LPCAT1: variants seen among roughly 807,000 people sequenced by gnomAD.
LPCAT1 encodes lysophosphatidylcholine acyltransferase 1.
LPCAT1 carries 23 observed loss-of-function variants against 60.9 expected under a neutral mutation model. The observed-to-expected ratio is 0.38, with a 90% CI of 0.27 to 0.53. The LOEUF (loss-of-function observed/expected upper bound fraction) is 0.53, where lower values mean the gene tolerates loss of function less well. LPCAT1 is among the 20% of genes least tolerant of loss of function. The pLI is 0.82. For missense variants in LPCAT1, 622 were observed against 723.6 expected, an observed-to-expected ratio of 0.86 and a Z score of 1.61; for synonymous variants, 340 against 301.1, an observed-to-expected ratio of 1.13 and a Z score of -1.34.
intron 8 of LPCAT1, among the ~76,000 whole-genome samples, chr5:1,479,238 T>A (rs569990736): frequency 7.2e-5 from 11 of 152,174 alleles, no homozygotes; most frequent in African/African-American, 2.2e-4. Flanking sequence ...CTACAAAAAT[T>A]AGCTAGGCAT....
chr5:1,481,807 T>G lies in LPCAT1; in HGVS notation c.727-831A>C, dbSNP rs539238248. On this transcript the variant is annotated intron_variant, in intron 6 of 13. Coordinates refer to ENST00000283415, the MANE Select transcript of LPCAT1 (RefSeq NM_024830.5). The surrounding 1 kb of genome is among the most constrained non-coding windows in gnomAD (Gnocchi z 7.8). ...CCTGGCTGACAAACGCACGCCTCAG[T>G]AAGAAGGAAGAGGTCTTTCAGTCGT... is the stretch of plus-strand genomic sequence containing the variant. Among the ~76,000 whole-genome samples the G allele has an allele frequency of 5.9e-5, 9 of 152,348 alleles. No individual in the cohort carries two copies. The highest frequency in any genetic ancestry group is 2.2e-4 in the African/African-American group (9 of 41,570).
rs1211181614 is a variant in LPCAT1, at chr5:1,523,935, C to G, written c.-91G>C. On this transcript the variant is annotated 5_prime_UTR_variant, in exon 1 of 14. Coordinates refer to ENST00000283415, the MANE Select transcript of LPCAT1 (RefSeq NM_024830.5). This position sits in a 1 kb window ranked among gnomAD's most constrained non-coding sequence, Gnocchi z 7.1. ...TGGGCGCGGGTCTCGGGGCGCGGGC[C>G]GAGGATGCGCGGCGGCTGGAGCGGG... 3.6e-5 allele frequency: 32 copies of G among 890,542 alleles called. No homozygotes were observed. Among genetic ancestry groups the G allele is most frequent in the South Asian group, 9.9e-5 (2 of 20,120 alleles). The allele number at this position is 890,542 out of a possible 1,614,324, so 55.2% of individuals were successfully genotyped here. A position where few individuals can be genotyped will look rare whatever the true frequency, so the allele number is the denominator to read the frequency against.
chr5:1,513,589 G>A (rs1736418307), intron 1 of LPCAT1, among the ~76,000 whole-genome samples: 1 of 152,226 alleles, frequency 6.6e-6, no homozygotes, highest in Admixed American at 6.5e-5. Context: ...CGGGGACTCG[G>A]TTACACCTGA....
At position 1,487,897 on chromosome 5, in the gene LPCAT1, C is replaced by A. The variant is rs187071773; in HGVS notation, c.667+494G>T. Among the ~76,000 whole-genome samples, 1 of 152,124 alleles carries A rather than the reference C, an allele frequency of 6.6e-6. No individual in the cohort carries two copies. ...AGACACAATACTAGACCCAGGTAAC[C>A]GCCGCGGGAGAGACCCAAGTTCACA... On this transcript the variant is annotated intron_variant, in intron 5 of 13. Coordinates refer to ENST00000283415, the MANE Select transcript of LPCAT1 (RefSeq NM_024830.5). This position sits in a 1 kb window ranked among gnomAD's most constrained non-coding sequence, Gnocchi z 6.1.
rs948110608 is a variant in LPCAT1, at chr5:1,502,332, T to C, written c.136-729A>G. 6.6e-6 allele frequency among the ~76,000 whole-genome samples: 1 copy of C among 151,792 alleles called. No individual in the cohort carries two copies. The highest frequency in any genetic ancestry group is 1.5e-5 in the Non-Finnish European group (1 of 67,972). The stretch of plus-strand genomic sequence containing the variant: ...TCCCCTGAAATCGTTTATGTGGACA[T>C]GAGAAAGCATACGCCACCCTAGGCA... On this transcript the variant is annotated intron_variant, in intron 1 of 13. Transcript: ENST00000283415. The surrounding 1 kb of genome is among the most constrained non-coding windows in gnomAD (Gnocchi z 5.5).
chr5:1,504,329 A>G lies in LPCAT1; in HGVS notation c.136-2726T>C, dbSNP rs1736116166. 2.0e-5 allele frequency among the ~76,000 whole-genome samples: 3 copies of G among 152,384 alleles called. No homozygotes were observed. The South Asian group carries it at 6.2e-4, about 32-fold the overall frequency. On this transcript the variant is annotated intron_variant, in intron 1 of 13. Coordinates refer to ENST00000283415, the MANE Select transcript of LPCAT1 (RefSeq NM_024830.5). ...AGGAGAGCGCAGCGGAGGAGACCGT[A>G]GCCTCGGCCTTCAGCCCACCTGGTC...
At position 1,465,833 on chromosome 5, in the gene LPCAT1, C is replaced by T. The variant is rs147033630; in HGVS notation, c.1420+916G>A. On this transcript the variant is annotated intron_variant, in intron 13 of 13. Transcript: ENST00000283415. Reference sequence around the variant, plus strand: ...ACGCACATGCGTGCACACACGTATGCACACGCACGGTAACACACGTGCACT... The same window carrying T: ...ACGCACATGCGTGCACACACGTATGTACACGCACGGTAACACACGTGCACT... Among the ~76,000 whole-genome samples the T allele has an allele frequency of 3.7e-4, 57 of 152,094 alleles. No homozygotes were observed. In the East Asian group the frequency reaches 0.011, roughly 28 times the overall value.
At chr5:1,491,935 AAAGGAACCAG>A (rs1455003783) in intron 3 of LPCAT1, among the ~76,000 whole-genome samples, 2 of 152,252 alleles carry the variant, frequency 1.3e-5, no homozygotes, top group East Asian at 3.8e-4. Context: ...AGGGTCCACG[AAAGGAACCAG>A]AAGTCACCAC....
chr5:1,510,395 C>T (rs1412945629), intron 1 of LPCAT1, among the ~76,000 whole-genome samples: 1 of 152,256 alleles, frequency 6.6e-6, no homozygotes, highest in Admixed American at 6.5e-5. Context: ...CACCAGAACC[C>T]TCGGCACCAT....
Position 1,495,250 on chromosome 5 carries a change from A to G in LPCAT1, c.279-336T>C, listed in dbSNP as rs55944502. On this transcript the variant is annotated intron_variant, in intron 2 of 13. Transcript: ENST00000283415. The surrounding 1 kb of genome is among the most constrained non-coding windows in gnomAD (Gnocchi z 4.7). The stretch of plus-strand genomic sequence containing the variant: ...CAGGCCAGAAGACCTCCGGACCTTC[A>G]TGTTAGCAACTTATTTATCAGCATC... 1.0e-2 allele frequency among the ~76,000 whole-genome samples: 1,517 copies of G among 152,030 alleles called. 17 individuals carry two copies. Among genetic ancestry groups the G allele is most frequent in the Non-Finnish European group, 0.015 (988 of 67,972 alleles).
intron 3 of LPCAT1, among the ~76,000 whole-genome samples, chr5:1,490,443 G>A (rs1735534557): frequency 1.3e-5 from 2 of 152,250 alleles, no homozygotes; most frequent in South Asian, 2.1e-4. Context: ...AAGAGGGGGA[G>A]AGAAGGCCAA....
intron 11 of LPCAT1, 31 bp downstream of exon 11, chr5:1,473,926 G>A (rs552501623): frequency 1.3e-5 from 21 of 1,593,304 alleles, no homozygotes; most frequent in Admixed American, 5.2e-5. Flanking sequence ...AGGTTTTGCC[G>A]ACACCCCGCT....
At position 1,496,758 on chromosome 5, in the gene LPCAT1, A is replaced by G. The variant is rs1735809707; in HGVS notation, c.279-1844T>C. Among the ~76,000 whole-genome samples, 1 of 152,164 alleles carries G rather than the reference A, an allele frequency of 6.6e-6. No homozygotes were observed. Among genetic ancestry groups the G allele is most frequent in the African/African-American group, 2.4e-5 (1 of 41,440 alleles). On this transcript the variant is annotated intron_variant, in intron 2 of 13. Transcript: ENST00000283415. This position sits in a 1 kb window ranked among gnomAD's most constrained non-coding sequence, Gnocchi z 4.7. Reference sequence around the variant, plus strand: ...GGAATTTTATACCCAAACTATCCACATGTGAAAACCCGGACTGCTGGTGTG... The same window carrying G: ...GGAATTTTATACCCAAACTATCCACGTGTGAAAACCCGGACTGCTGGTGTG...
chr5:1,490,760 G>A (rs1318523964), intron 3 of LPCAT1, among the ~76,000 whole-genome samples: 2 of 152,234 alleles, frequency 1.3e-5, no homozygotes, highest in Admixed American at 1.3e-4. Flanking sequence ...CTTTATGCAA[G>A]AGGATTGAAC....
At chr5:1,493,774 C>T (rs1335131417) in intron 3 of LPCAT1, among the ~76,000 whole-genome samples, 3 of 152,242 alleles carry the variant, frequency 2.0e-5, no homozygotes, top group Non-Finnish European at 2.9e-5. Context: ...CCATGGGATG[C>T]GGCCCCCAAA....
intron 1 of LPCAT1, among the ~76,000 whole-genome samples, chr5:1,516,736 T>C (rs528230279): frequency 2.4e-4 from 37 of 152,146 alleles, no homozygotes; most frequent in African/African-American, 8.2e-4. Context: ...AAATCAAGGT[T>C]TGGAAAAGGC....
rs1553991193 is a variant in LPCAT1, at chr5:1,461,769, CCCTT to C, written c.*1878_*1881del. ...GCACAGTGGCATTTCATTCAAAAAACCCTTCATCTGCAGACCTGCGGAAGGGAGG... is the reference window on the plus strand; with the variant it reads ...GCACAGTGGCATTTCATTCAAAAAACCATCTGCAGACCTGCGGAAGGGAGG... On this transcript the variant is annotated 3_prime_UTR_variant, in exon 14 of 14. Transcript: ENST00000283415. The C allele has an allele frequency of 1.3e-5, 2 of 152,648 alleles. No individual in the cohort carries two copies. The highest frequency in any genetic ancestry group is 2.9e-5 in the Non-Finnish European group (2 of 68,046). The allele number at this position is 152,648 out of a possible 1,614,324, so 9.5% of individuals were successfully genotyped here.
In LPCAT1 at chr5:1,521,795, C is replaced by T. The variant is rs944043204; in HGVS notation, c.135+1915G>A. Among the ~76,000 whole-genome samples the T allele has an allele frequency of 6.6e-6, 1 of 152,276 alleles. No individual in the cohort carries two copies. The highest frequency in any genetic ancestry group is 2.4e-5 in the African/African-American group (1 of 41,550). The stretch of plus-strand genomic sequence containing the variant: ...TCGGGACCAGGAGCCTCTCGATGAC[C>T]CCCTGCCCAAGAGCCACTGGGAGCA... On this transcript the variant is annotated intron_variant, in intron 1 of 13. Transcript: ENST00000283415. This position sits in a 1 kb window ranked among gnomAD's most constrained non-coding sequence, Gnocchi z 4.3.
chr5:1,497,621 G>A (rs1735843419), intron 2 of LPCAT1, among the ~76,000 whole-genome samples: 1 of 152,236 alleles, frequency 6.6e-6, no homozygotes, highest in Non-Finnish European at 1.5e-5. Context: ...CTGGGTGGCT[G>A]GTGGGAGGGC....
Sources: gnomAD v4.1 joint callset for allele counts (sites outside exome capture counted in the v4.1 genomes callset) on GRCh38, gnomAD v4.1.1 for gene constraint, Gnocchi (gnomAD v3.1) non-coding constraint, MANE v1.5 for transcripts, NCBI Gene and HGNC (gene_info 2026-07-23, HGNC 2026-07-21) for gene names.